NFIX: variants seen among roughly 807,000 people sequenced by gnomAD.
NFIX encodes the protein nuclear factor 1 X-type.
In NFIX, 2 loss-of-function variants were observed where a neutral mutation model predicts 53.3. That is an observed-to-expected ratio of 0.04 (90% CI 0.02 to 0.12). The LOEUF (loss-of-function observed/expected upper bound fraction) is 0.12, where lower values mean the gene tolerates loss of function less well. Ranked by LOEUF, NFIX falls within the 10% of genes least tolerant of loss-of-function variation. NFIX has a pLI of 1.00. For missense variants in NFIX, 310 were observed against 674.5 expected (o/e 0.46, Z 5.99); for synonymous variants, 244 against 289.0 (o/e 0.84, Z 1.58).
Position 13,078,402 on chromosome 19 carries a change from G to T in NFIX, c.956-211G>T, listed in dbSNP as rs2017242913. Among the ~76,000 whole-genome samples, 1 of 152,284 alleles carries T rather than the reference G, an allele frequency of 6.6e-6. No individual in the cohort carries two copies. Among genetic ancestry groups the T allele is most frequent in the Non-Finnish European group, 1.5e-5 (1 of 68,030 alleles). ...GCCTCGTTTTCCTCTCTGGTTAGAA[G>T]CACCCCTTGGCTGGCCTACACACAG... On this transcript the variant is annotated intron_variant, in intron 6 of 10. Transcript: ENST00000592199. This position sits in a 1 kb window ranked among gnomAD's most constrained non-coding sequence, Gnocchi z 4.7.
Position 13,022,668 on chromosome 19 carries a change from AAC to A in NFIX, c.28-2349_28-2348del, listed in dbSNP as rs973347743. Reference sequence around the variant, plus strand: ...GGCCCGAGAGAAAGACTGAAACCAAAACACAGAGAGAAGGCGCAGCTGCTTCC... The same window carrying A: ...GGCCCGAGAGAAAGACTGAAACCAAAACAGAGAGAAGGCGCAGCTGCTTCC... On this transcript the variant is annotated intron_variant, in intron 1 of 10. Coordinates refer to ENST00000592199, the MANE Select transcript of NFIX (RefSeq NM_001365902.3). This position sits in a 1 kb window ranked among gnomAD's most constrained non-coding sequence, Gnocchi z 4.5. 1.3e-5 allele frequency among the ~76,000 whole-genome samples: 2 copies of A among 151,974 alleles called. No individual in the cohort carries two copies. The highest frequency in any genetic ancestry group is 2.9e-5 in the Non-Finnish European group (2 of 67,970).
rs1170426515 is a variant in NFIX at position 13,001,676 on chromosome 19, C to T, written c.27+5812C>T. On this transcript the variant is annotated intron_variant, in intron 1 of 10. Coordinates refer to ENST00000592199, the MANE Select transcript of NFIX (RefSeq NM_001365902.3). The surrounding 1 kb of genome is among the most constrained non-coding windows in gnomAD (Gnocchi z 6.5). ...CACATACGTGTCAACGCACGTGTCT[C>T]CAGTGTCATCACCCTCATATCACTG... Among the ~76,000 whole-genome samples the T allele has an allele frequency of 2.6e-5, 4 of 152,182 alleles. No individual in the cohort carries two copies. Among genetic ancestry groups the T allele is most frequent in the Admixed American group, 6.5e-5 (1 of 15,290 alleles).
Position 13,008,557 on chromosome 19 carries a change from G to C in NFIX, c.27+12693G>C, listed in dbSNP as rs143777440. On this transcript the variant is annotated intron_variant, in intron 1 of 10. Coordinates refer to ENST00000592199, the MANE Select transcript of NFIX (RefSeq NM_001365902.3). Reference sequence around the variant, plus strand: ...CCCGTCTCTGTGATTTTCTCACTTTGTTCCTCTCTTTCTCTCCTAGCTTTT... The same window carrying C: ...CCCGTCTCTGTGATTTTCTCACTTTCTTCCTCTCTTTCTCTCCTAGCTTTT... Among the ~76,000 whole-genome samples, 9 of 152,286 alleles carry C rather than the reference G, an allele frequency of 5.9e-5. No homozygotes were observed. The East Asian group carries it at 1.7e-3, about 29-fold the overall frequency.
rs1431322094 is a variant in NFIX, at chr19:13,013,695, T to A, written c.28-11326T>A. On this transcript the variant is annotated intron_variant, in intron 1 of 10. Transcript: ENST00000592199. The surrounding 1 kb of genome is among the most constrained non-coding windows in gnomAD (Gnocchi z 5.9). Reference sequence around the variant, plus strand: ...AGGAGTTTTATTACTTCTTTTTTTTTTATAAAGCATGTGAGACAGAGGCTG... The same window carrying A: ...AGGAGTTTTATTACTTCTTTTTTTTATATAAAGCATGTGAGACAGAGGCTG... 4 of 152,174 alleles carry A rather than the reference T, an allele frequency of 2.6e-5. No homozygotes were observed. The highest frequency in any genetic ancestry group is 6.5e-5 in the Admixed American group (1 of 15,276). The allele number at this position is 152,174 out of a possible 1,614,324, so 9.4% of individuals were successfully genotyped here. A position where few individuals can be genotyped will look rare whatever the true frequency, so the allele number is the denominator to read the frequency against.
rs1477014435 is a variant in NFIX, at chr19:13,049,586, C to T, written c.560-23461C>T. On this transcript the variant is annotated intron_variant, in intron 2 of 10. Coordinates refer to ENST00000592199, the MANE Select transcript of NFIX (RefSeq NM_001365902.3). The surrounding 1 kb of genome is among the most constrained non-coding windows in gnomAD (Gnocchi z 4.5). ...TCCTATATGTTGTAGCAGCAAGTGT[C>T]AGTGGTTCCTTTTTTTTTTTTTTTT... 8.8e-6 allele frequency among the ~76,000 whole-genome samples: 1 copy of T among 113,566 alleles called. No homozygotes were observed. The highest frequency in any genetic ancestry group is 1.7e-5 in the Non-Finnish European group (1 of 59,106). The allele number at this position is 113,566 out of a possible 152,430, so 74.5% of individuals were successfully genotyped here.
chr19:13,055,010 C>T (rs564183873), intron 2 of NFIX, among the ~76,000 whole-genome samples: 4 of 152,176 alleles, frequency 2.6e-5, no homozygotes, highest in Admixed American at 2.6e-4. Context: ...AACTTTCCGT[C>T]GGTTCTTTCT....
rs2015434640 is a variant in NFIX, at chr19:13,053,221, C to G, written c.560-19826C>G. On this transcript the variant is annotated intron_variant, in intron 2 of 10. Coordinates refer to ENST00000592199, the MANE Select transcript of NFIX (RefSeq NM_001365902.3). ...GGGGGTCAGGCTGGCTGAGGGAGCACCCTTGGGTGCTGCCCTTTTTCCGAG... is the reference window on the plus strand; with the variant it reads ...GGGGGTCAGGCTGGCTGAGGGAGCAGCCTTGGGTGCTGCCCTTTTTCCGAG... Among the ~76,000 whole-genome samples the G allele has an allele frequency of 2.0e-5, 3 of 152,140 alleles. No individual in the cohort carries two copies. In the South Asian group the frequency reaches 6.2e-4, roughly 32 times the overall value.
rs2014781530 is a variant in NFIX at position 13,043,549 on chromosome 19, C to A, written c.559+17997C>A. Among the ~76,000 whole-genome samples the A allele has an allele frequency of 6.6e-6, 1 of 152,236 alleles. No homozygotes were observed. The highest frequency in any genetic ancestry group is 1.5e-5 in the Non-Finnish European group (1 of 68,036). The stretch of plus-strand genomic sequence containing the variant: ...GCAGTCTGCCACAAGGCCCCTGGGG[C>A]TGCCAAGGTCGCACATGTCCTCCCA... On this transcript the variant is annotated intron_variant, in intron 2 of 10. Transcript: ENST00000592199. This position sits in a 1 kb window ranked among gnomAD's most constrained non-coding sequence, Gnocchi z 4.0.
rs902081746 is a variant in NFIX at position 13,013,106 on chromosome 19, C to T, written c.28-11915C>T. On this transcript the variant is annotated intron_variant, in intron 1 of 10. Coordinates refer to ENST00000592199, the MANE Select transcript of NFIX (RefSeq NM_001365902.3). This position sits in a 1 kb window ranked among gnomAD's most constrained non-coding sequence, Gnocchi z 5.9. ...AAAACCCAAAACCTCCCCTCCAAGTCCCTTTCGATCTACGCCACCTTCCCT... is the reference window on the plus strand; with the variant it reads ...AAAACCCAAAACCTCCCCTCCAAGTTCCTTTCGATCTACGCCACCTTCCCT... 3.3e-5 allele frequency among the ~76,000 whole-genome samples: 5 copies of T among 152,066 alleles called. No individual in the cohort carries two copies. Among genetic ancestry groups the T allele is most frequent in the African/African-American group, 2.4e-5 (1 of 41,400 alleles).
chr19:13,082,176 C>G (rs1438873817), intron 8 of NFIX: 3 of 355,570 alleles, frequency 8.4e-6, no homozygotes, highest in African/African-American at 2.1e-5. Flanking sequence ...GATCTGGGCC[C>G]TGACCTCCCA....
At chr19:13,076,173 G>A (rs941683690) in intron 6 of NFIX, among the ~76,000 whole-genome samples, 8 of 152,138 alleles carry the variant, frequency 5.3e-5, no homozygotes, top group Admixed American at 3.3e-4. Context: ...ATTGTCAGAC[G>A]TTCCCTAGTG....
rs1188643966 is a variant in NFIX, at chr19:13,090,492, CAG to C, written c.1494+103_1494+104del. 10 of 1,131,736 alleles carry C rather than the reference CAG, an allele frequency of 8.8e-6. No individual in the cohort carries two copies. In the East Asian group the frequency reaches 2.4e-4, roughly 27 times the overall value. 70.1% of individuals were successfully genotyped at this position (1,131,736 alleles called of 1,614,324 possible). On this transcript the variant is annotated intron_variant, in intron 10 of 10. Coordinates refer to ENST00000592199, the MANE Select transcript of NFIX (RefSeq NM_001365902.3). This position sits in a 1 kb window ranked among gnomAD's most constrained non-coding sequence, Gnocchi z 6.6. The stretch of plus-strand genomic sequence containing the variant: ...AAGAGCCTGGAGTCCTTGGGGCTAA[CAG>C]GGAGAGAGAGGTCTGAGGTGGGGCT...
In NFIX at chr19:13,088,850, T is replaced by C. The variant is rs1244300230; in HGVS notation, c.1402+714T>C. 6.6e-6 allele frequency among the ~76,000 whole-genome samples: 1 copy of C among 151,850 alleles called. No homozygotes were observed. The highest frequency in any genetic ancestry group is 2.4e-5 in the African/African-American group (1 of 41,420). On this transcript the variant is annotated intron_variant, in intron 9 of 10. Transcript: ENST00000592199. This position sits in a 1 kb window ranked among gnomAD's most constrained non-coding sequence, Gnocchi z 5.9. ...CTCTGTCTCTCTTTCTTTTCTTTTC[T>C]TTTCTTTTTTTTTCCTCTTAAACCA...
At chr19:13,004,261 C>T (rs758266948) in intron 1 of NFIX, among the ~76,000 whole-genome samples, 2 of 152,136 alleles carry the variant, frequency 1.3e-5, no homozygotes, top group Non-Finnish European at 2.9e-5. Flanking sequence ...GTAACACACA[C>T]AGGCACAGCT....
intron 1 of NFIX, among the ~76,000 whole-genome samples, chr19:13,020,936 T>A (rs2012930977): frequency 6.6e-6 from 1 of 152,168 alleles, no homozygotes; most frequent in Admixed American, 6.5e-5. Context: ...ATGTCGAGCA[T>A]GTCTCTTCTA....
chr19:13,010,571 G>A (rs1485857221), intron 1 of NFIX, among the ~76,000 whole-genome samples: 1 of 152,230 alleles, frequency 6.6e-6, no homozygotes. Context: ...CCCCTATCGG[G>A]CACCACATGG....
intron 1 of NFIX, among the ~76,000 whole-genome samples, chr19:12,997,668 C>T (rs1350048955): frequency 6.6e-6 from 1 of 152,208 alleles, no homozygotes; most frequent in Non-Finnish European, 1.5e-5. Context: ...AGCCCCTTGC[C>T]CACCAGGCTG....
rs1302948949 is a variant in NFIX at position 13,066,162 on chromosome 19, G to A, written c.560-6885G>A. 5.3e-5 allele frequency among the ~76,000 whole-genome samples: 8 copies of A among 152,260 alleles called. No individual in the cohort carries two copies. The South Asian group carries it at 8.3e-4, about 16-fold the overall frequency. On this transcript the variant is annotated intron_variant, in intron 2 of 10. Transcript: ENST00000592199. The surrounding 1 kb of genome is among the most constrained non-coding windows in gnomAD (Gnocchi z 4.2). ...GAGCTGATGGACTTGCTTTCTCCTCGCTTCCCGAAGCCTTACTGCCGAGCT... is the reference window on the plus strand; with the variant it reads ...GAGCTGATGGACTTGCTTTCTCCTCACTTCCCGAAGCCTTACTGCCGAGCT...
Position 13,081,619 on chromosome 19 carries a change from C to A in NFIX, c.1079-61C>A. ...ACCGGCAGCTCCCCTCCTCTCCTGTCCCTCCCACTGGCTGCCTCCTTGGCC... is the reference window on the plus strand; with the variant it reads ...ACCGGCAGCTCCCCTCCTCTCCTGTACCTCCCACTGGCTGCCTCCTTGGCC... On this transcript the variant is annotated intron_variant, in intron 7 of 10. Coordinates refer to ENST00000592199, the MANE Select transcript of NFIX (RefSeq NM_001365902.3). This position sits in a 1 kb window ranked among gnomAD's most constrained non-coding sequence, Gnocchi z 4.7. 6.4e-7 allele frequency: 1 copy of A among 1,554,336 alleles called. No individual in the cohort carries two copies. The highest frequency in any genetic ancestry group is 8.7e-7 in the Non-Finnish European group (1 of 1,144,418).
Sources: allele counts gnomAD v4.1 joint callset (sites outside exome capture counted in the v4.1 genomes callset), GRCh38; gene constraint gnomAD v4.1.1; non-coding constraint Gnocchi (gnomAD v3.1); transcripts MANE v1.5; gene names NCBI Gene and HGNC (gene_info 2026-07-23, HGNC 2026-07-21).